Variants in TAF4 observed in about 807,000 individuals in gnomAD.
TAF4 encodes the protein transcription initiation factor TFIID subunit 4.
Under a neutral mutation model 90.3 loss-of-function variants are expected in TAF4, and 9 were observed. The observed-to-expected ratio is 0.10, with a 90% confidence interval of 0.06 to 0.17. The LOEUF (loss-of-function observed/expected upper bound fraction) is 0.17. Ranked by LOEUF, TAF4 falls within the 10% of genes least tolerant of loss-of-function variation. TAF4 has a pLI of 1.00. For missense variants in TAF4, 1,351 were observed against 1,370.7 expected, an observed-to-expected ratio of 0.99 and a Z score of 0.23; for synonymous variants, 818 against 638.9, an observed-to-expected ratio of 1.28 and a Z score of -4.23.
chr20:62,060,086 C>T (rs554016973), intron 1 of TAF4, among the ~76,000 whole-genome samples: 7 of 152,344 alleles, frequency 4.6e-5, no homozygotes, highest in African/African-American at 1.2e-4. Context: ...CGCCGCCTCC[C>T]GGCCTCCCTG....
intron 1 of TAF4, among the ~76,000 whole-genome samples, chr20:62,021,348 G>A (rs368037549): frequency 2.6e-5 from 4 of 152,378 alleles, no homozygotes; most frequent in South Asian, 4.1e-4. Context: ...GAAGCAGAAG[G>A]GAGGAACAGG....
At chr20:62,049,558 G>A (rs1015620775) in intron 1 of TAF4, among the ~76,000 whole-genome samples, 11 of 152,046 alleles carry the variant, frequency 7.2e-5, no homozygotes, top group South Asian at 6.2e-4. Context: ...TCTCCACATC[G>A]TCCTGGGTCT....
At chr20:62,038,547 T>A (rs1378718226) in intron 1 of TAF4, among the ~76,000 whole-genome samples, 3 of 152,062 alleles carry the variant, frequency 2.0e-5, no homozygotes, top group African/African-American at 7.2e-5. Flanking sequence ...AAGGACCACG[T>A]ACATGGCATA....
chr20:61,978,936 C>T (rs2055516392), intron 14 of TAF4: 1 of 153,366 alleles, frequency 6.5e-6, no homozygotes, highest in African/African-American at 2.4e-5. Flanking sequence ...ATCTAACCTA[C>T]CTGATACTCC....
chr20:62,031,846 G>C (rs76715809), intron 1 of TAF4, among the ~76,000 whole-genome samples: 4,044 of 152,140 alleles, frequency 0.027, 186 homozygotes, highest in African/African-American at 0.093. Flanking sequence ...ACCCGGAGAC[G>C]GGGCTCGCAG....
intron 1 of TAF4, among the ~76,000 whole-genome samples, chr20:62,036,038 A>ATTTT (rs1568938533): frequency 2.3e-4 from 35 of 150,008 alleles, no homozygotes; most frequent in African/African-American, 6.2e-4. Context: ...TTTTTTTAAA[A>ATTTT]AAAAAAAAGA....
Position 62,000,616 on chromosome 20 carries a change from C to T in TAF4, c.2592G>A (p.Thr864=), listed in dbSNP as rs1203560512. ...GGAAGGTTTCATCTTTACAGGACCG[C>T]GTTAGCGTGCCCACCAATTCAGAGT... ...ATNSELVGTL[T]RSCKDETFLL... is the part of the protein sequence containing the mutation. The change falls in exon 10 of 15, where the codon ACG becomes ACA. Residue 864 remains threonine, a synonymous_variant. Transcript: ENST00000252996. 4.3e-6 allele frequency: 7 copies of T among 1,614,278 alleles called. No individual in the cohort carries two copies. The highest frequency in any genetic ancestry group is 3.4e-6 in the Non-Finnish European group (4 of 1,180,050).
chr20:62,017,667 T>TA (rs1458429249), intron 1 of TAF4, among the ~76,000 whole-genome samples: 2 of 151,618 alleles, frequency 1.3e-5, no homozygotes, highest in Non-Finnish European at 2.9e-5. Flanking sequence ...AATAATAATT[T>TA]AAAAAAATTG....
chr20:62,014,520 C>T lies in TAF4; in HGVS notation c.1521+27G>A, dbSNP rs374928494. 2.2e-5 allele frequency: 34 copies of T among 1,573,246 alleles called. No individual in the cohort carries two copies. The East Asian group carries it at 4.3e-4, about 20-fold the overall frequency. Reference sequence around the variant, plus strand: ...AGAGGGGCTGGGCAGGGAAGGGGTTCGCACTCCAGGGCACACGTGCACTCA... The same window carrying T: ...AGAGGGGCTGGGCAGGGAAGGGGTTTGCACTCCAGGGCACACGTGCACTCA... On this transcript the variant is annotated intron_variant, in intron 2 of 14. Transcript: ENST00000252996.
chr20:61,985,890 C>T (rs761358941), intron 14 of TAF4, among the ~76,000 whole-genome samples: 3 of 151,804 alleles, frequency 2.0e-5, no homozygotes, highest in Non-Finnish European at 2.9e-5. Context: ...ACACCATCCC[C>T]GACCAAAGGA....
chr20:61,998,678 G>A (rs755976420), intron 12 of TAF4, among the ~76,000 whole-genome samples: 1 of 152,172 alleles, frequency 6.6e-6, no homozygotes, highest in African/African-American at 2.4e-5. Flanking sequence ...AGGACAACGT[G>A]AGTGTGAAGA....
chr20:62,057,336 T>C (rs1780678241), intron 1 of TAF4, among the ~76,000 whole-genome samples: 1 of 152,238 alleles, frequency 6.6e-6, no homozygotes, highest in Non-Finnish European at 1.5e-5. Context: ...CTCAGACCTC[T>C]GACCCCAACC....
At chr20:62,036,104 A>G (rs1464159235) in intron 1 of TAF4, among the ~76,000 whole-genome samples, 1 of 151,564 alleles carries the variant, frequency 6.6e-6, no homozygotes, top group Non-Finnish European at 1.5e-5. Context: ...GCTCACTGCA[A>G]CCTCCCGCTC....
At chr20:62,063,964 G>A (rs2056105388) in intron 1 of TAF4, among the ~76,000 whole-genome samples, 1 of 152,230 alleles carries the variant, frequency 6.6e-6, no homozygotes, top group Non-Finnish European at 1.5e-5. Flanking sequence ...GGGTCACCAA[G>A]GGGCAGAAAG....
At chr20:62,047,727 A>G (rs1399251731) in intron 1 of TAF4, among the ~76,000 whole-genome samples, 1 of 152,232 alleles carries the variant, frequency 6.6e-6, no homozygotes, top group Non-Finnish European at 1.5e-5. Flanking sequence ...AGCCCAGGTG[A>G]TGCAACATGC....
intron 1 of TAF4, among the ~76,000 whole-genome samples, chr20:62,030,588 AG>A (rs1353562704): frequency 1.3e-5 from 2 of 152,222 alleles, no homozygotes; most frequent in African/African-American, 2.4e-5. Context: ...ACGCACTCGC[AG>A]GATGGGCTGG....
chr20:62,059,253 C>T (rs2056076793), intron 1 of TAF4, among the ~76,000 whole-genome samples: 1 of 152,214 alleles, frequency 6.6e-6, no homozygotes, highest in Admixed American at 6.5e-5. Flanking sequence ...CAGCGGACAC[C>T]AGGTACTTTC....
intron 1 of TAF4, among the ~76,000 whole-genome samples, chr20:62,026,334 T>A (rs2145489025): frequency 6.6e-6 from 1 of 152,262 alleles, no homozygotes; most frequent in African/African-American, 2.4e-5. Flanking sequence ...CCCCAAGCGA[T>A]CACACCCTCC....
Position 62,065,114 on chromosome 20 carries a change from C to A in TAF4, c.697G>T (p.Ala233Ser). ...GGCGTCTGGATGACAGTGCCGGGGG[C>A]GGCGGGCTTGGGCAGCGGCAGCAGC... Reference protein sequence around the residue: ...AALLPLPKPAAPGTVIQTPPF... With the variant: ...AALLPLPKPASPGTVIQTPPF... The change falls in exon 1 of 15, where the codon GCC becomes TCC. Residue 233 changes from alanine (A) to serine (S), a missense_variant. This residue lies in a region of TAF4 where 782 missense variants were observed against 536.6 expected (regional missense o/e 1.46). Coordinates refer to ENST00000252996, the MANE Select transcript of TAF4 (RefSeq NM_003185.4). 1 of 1,118,346 alleles carries A rather than the reference C, an allele frequency of 8.9e-7. No homozygotes were observed. The highest frequency in any genetic ancestry group is 1.1e-6 in the Non-Finnish European group (1 of 900,802). 69.3% of individuals were successfully genotyped at this position (1,118,346 alleles called of 1,614,324 possible).
Sources: allele counts gnomAD v4.1 joint callset (sites outside exome capture counted in the v4.1 genomes callset), GRCh38; gene constraint gnomAD v4.1.1; regional missense constraint gnomAD v4.1.1; transcripts MANE v1.5; gene names NCBI Gene and HGNC (gene_info 2026-07-23, HGNC 2026-07-21).